Variants in GPN1 observed in about 807,000 individuals in gnomAD.
The protein encoded by GPN1 is ATP(GTP)-binding protein.
A neutral mutation model predicts 55.9 loss-of-function variants in GPN1; 44 were observed. The observed-to-expected ratio is 0.79, with a 90% CI of 0.62 to 1.01. GPN1 has a LOEUF of 1.01. Among genes scored for constraint, GPN1 ranks in the 50% least tolerant of loss-of-function variants. GPN1 has a pLI of 0.00. For synonymous variants in GPN1, 179 were observed against 162.5 expected (o/e 1.10, Z -0.77); for missense variants, 466 against 462.8 (o/e 1.01, Z -0.06).
chr2:27,628,281 C>A (rs1673366425), upstream of GPN1: 2 of 1,030,664 alleles, frequency 1.9e-6, no homozygotes, highest in Non-Finnish European at 1.4e-6. Context: ...CAGAAACAGA[C>A]TGGGTGGTCA....
At chr2:27,628,428 G>A (rs1673374866), upstream of GPN1, 1 of 1,551,588 alleles carries the variant, frequency 6.4e-7, no homozygotes, top group Non-Finnish European at 8.7e-7. Flanking sequence ...GAAGGTCACG[G>A]CAACTGTGTA....
chr2:27,629,372 C>G, intron 1 of GPN1: 4 of 1,550,264 alleles, frequency 2.6e-6, no homozygotes, highest in Non-Finnish European at 3.5e-6. Context: ...TGCGCACCTT[C>G]AGGGCATACT....
Position 27,650,121 on chromosome 2 carries a change from A to T in GPN1, c.1046A>T (p.Glu349Val), listed in dbSNP as rs1377307999. Residue 349 changes from glutamate to valine, a missense_variant, in exon 14 of 14, where the codon GAG becomes GTG. Transcript: ENST00000610189. ...TGCCCTTTTTTCCTTGCAGTTACAG[A>T]GGAAAGCCATGAAGAGCCAGCATTC... ...DTDDIDHRVT[E>V]ESHEEPAFQN... is the part of the protein sequence containing the mutation. 1 of 1,588,208 alleles carries T rather than the reference A, an allele frequency of 6.3e-7. No individual in the cohort carries two copies. Among genetic ancestry groups the T allele is most frequent in the African/African-American group, 1.3e-5 (1 of 74,548 alleles).
intron 7 of GPN1, among the ~76,000 whole-genome samples, chr2:27,636,800 A>G (rs1217217357): frequency 6.6e-6 from 1 of 152,198 alleles, no homozygotes; most frequent in Non-Finnish European, 1.5e-5. Context: ...TGTTTAAAAG[A>G]AAATTATTTG....
At chr2:27,649,876 ATACC>A (rs1359959711) in intron 13 of GPN1, among the ~76,000 whole-genome samples, 1 of 152,210 alleles carries the variant, frequency 6.6e-6, no homozygotes, top group East Asian at 1.9e-4. Context: ...TTGGTTAAAA[ATACC>A]TACAAGTGGG....
chr2:27,630,241 C>A (rs938616313), intron 2 of GPN1, among the ~76,000 whole-genome samples: 1 of 152,118 alleles, frequency 6.6e-6, no homozygotes, highest in African/African-American at 2.4e-5. Flanking sequence ...GAGCCAAGAT[C>A]GTGCCACTGC....
At chr2:27,628,338 T>C, upstream of GPN1, 1 of 1,466,214 alleles carries the variant, frequency 6.8e-7, no homozygotes, top group Non-Finnish European at 9.1e-7. Flanking sequence ...TTCCTGAGTT[T>C]CTGAGGGACC....
At chr2:27,638,324 G>A in intron 8 of GPN1, 69 bp downstream of exon 8, 1 of 854,490 alleles carries the variant, frequency 1.2e-6, no homozygotes, top group Non-Finnish European at 2.0e-6. Flanking sequence ...GGTTTAGGTG[G>A]GTGAGAAAGA....
Position 27,635,253 on chromosome 2 carries a change from G to T in GPN1, c.524+19G>T. ...CCTGCAGGTAATTGATTGTTGGTGG[G>T]GAAAGTGTTCCATCAAGGTATAAGG... On this transcript the variant is annotated intron_variant, in intron 7 of 13. Transcript: ENST00000610189. 7.9e-7 allele frequency: 1 copy of T among 1,271,978 alleles called. No homozygotes were observed. The highest frequency in any genetic ancestry group is 2.3e-5 in the East Asian group (1 of 43,048). 78.8% of individuals were successfully genotyped at this position (1,271,978 alleles called of 1,614,324 possible).
chr2:27,639,957 A>G, intron 9 of GPN1, 86 bp from the exon 10 acceptor site: 2 of 966,132 alleles, frequency 2.1e-6, no homozygotes, highest in Non-Finnish European at 3.3e-6. Context: ...TCTTACTAAG[A>G]TTTTATGACA....
intron 4 of GPN1, 148 bp downstream of exon 4, chr2:27,632,048 C>T: frequency 1.5e-6 from 1 of 646,730 alleles, no homozygotes; most frequent in Non-Finnish European, 2.8e-6. Flanking sequence ...GAGAAGTAGA[C>T]TATGAGAAGG....
chr2:27,646,017 A>G (rs1014867872), intron 12 of GPN1, among the ~76,000 whole-genome samples: 14 of 151,690 alleles, frequency 9.2e-5, no homozygotes, highest in Admixed American at 6.6e-5. Flanking sequence ...GGTGTGAACC[A>G]CTGTACCCAG....
In GPN1 at chr2:27,650,238, G is replaced by A. The variant is rs1674463535; in HGVS notation, c.*38G>A. 2 of 1,233,350 alleles carry A rather than the reference G, an allele frequency of 1.6e-6. No individual in the cohort carries two copies. The highest frequency in any genetic ancestry group is 3.0e-5 in the African/African-American group (2 of 67,468). The allele number at this position is 1,233,350 out of a possible 1,614,324, so 76.4% of individuals were successfully genotyped here. ...CACTTCACTTGTTTCTAGAAGTCCA[G>A]AATTTTGGACCTCCACGTGAAAGAA... On this transcript the variant is annotated 3_prime_UTR_variant, in exon 14 of 14. Transcript: ENST00000610189.
chr2:27,647,477 C>T (rs988194608), intron 12 of GPN1, among the ~76,000 whole-genome samples: 5 of 152,190 alleles, frequency 3.3e-5, no homozygotes, highest in African/African-American at 1.2e-4. Flanking sequence ...CACTGTGACT[C>T]ACCAGCACAC....
At chr2:27,639,520 TTC>T (rs1252389259) in intron 9 of GPN1, among the ~76,000 whole-genome samples, 2 of 152,186 alleles carry the variant, frequency 1.3e-5, no homozygotes, top group Non-Finnish European at 2.9e-5. Flanking sequence ...TCTTTTTTTT[TTC>T]TTTTTTCCCT....
At chr2:27,633,974 C>G (rs140963238) in intron 5 of GPN1, among the ~76,000 whole-genome samples, 4 of 152,164 alleles carry the variant, frequency 2.6e-5, no homozygotes, top group Non-Finnish European at 5.9e-5. Flanking sequence ...TTTCTGTTCC[C>G]TTTAGCCCCT....
upstream of GPN1, chr2:27,628,453 A>C: frequency 6.4e-7 from 1 of 1,551,566 alleles, no homozygotes; most frequent in African/African-American, 1.4e-5. Flanking sequence ...ACTGAGGGTG[A>C]CTGCCAAGGA....
At chr2:27,628,990 C>T (rs1304985341), upstream of GPN1, 1 of 1,606,092 alleles carries the variant, frequency 6.2e-7, no homozygotes, top group Non-Finnish European at 8.5e-7. Context: ...GTTCGCAGCC[C>T]AGAACATTGC....
At position 27,635,046 on chromosome 2, in the gene GPN1, A is replaced by C. The variant is rs186546771; in HGVS notation, c.430-94A>C. ...TGTAGAAGCTCTGCACACCCTGCCT[A>C]AAGTGGTTTTCCCTTGTTAAGGATG... On this transcript the variant is annotated intron_variant, in intron 6 of 13. Transcript: ENST00000610189. 1.7e-4 allele frequency: 162 copies of C among 968,296 alleles called. 1 individual carries two copies. The African/African-American group carries it at 2.4e-3, about 14-fold the overall frequency. 60.0% of individuals were successfully genotyped at this position (968,296 alleles called of 1,614,324 possible). A position where few individuals can be genotyped will look rare whatever the true frequency, so the allele number is the denominator to read the frequency against.
Sources: allele counts gnomAD v4.1 joint callset (sites outside exome capture counted in the v4.1 genomes callset), GRCh38; gene constraint gnomAD v4.1.1; transcripts MANE v1.5; gene names NCBI Gene and HGNC (gene_info 2026-07-23, HGNC 2026-07-21).